The following KCTD5 variants were observed in gnomAD, a reference collection of about 807,000 sequenced individuals.
KCTD5 encodes potassium channel tetramerization domain containing 5.
In KCTD5, 12 loss-of-function variants were observed where a neutral mutation model predicts 27.9. That is an observed-to-expected ratio of 0.43 (90% CI 0.28 to 0.70). The LOEUF is 0.70. Among genes scored for constraint, KCTD5 ranks in the 30% least tolerant of loss-of-function variants. KCTD5 has a pLI of 0.19. For missense variants in KCTD5, 226 were observed against 274.8 expected (o/e 0.82, Z 1.26); for synonymous variants, 147 against 121.4 (o/e 1.21, Z -1.39).
intron 1 of KCTD5, among the ~76,000 whole-genome samples, chr16:2,688,106 G>T (rs1461115889): frequency 1.3e-5 from 2 of 151,756 alleles, no homozygotes; most frequent in Admixed American, 6.6e-5. Flanking sequence ...TCCTGAAGAT[G>T]ACAAATGTGA....
At chr16:2,705,627 C>G (rs2067632249) in intron 5 of KCTD5, among the ~76,000 whole-genome samples, 2 of 152,198 alleles carry the variant, frequency 1.3e-5, no homozygotes, top group Non-Finnish European at 2.9e-5. Flanking sequence ...GCTTAAGCCT[C>G]CCAGGCCAGC....
chr16:2,689,351 T>A (rs1468273259), intron 1 of KCTD5, among the ~76,000 whole-genome samples: 1 of 49,812 alleles, frequency 2.0e-5, no homozygotes, highest in South Asian at 7.3e-4. Flanking sequence ...AAATGGATAA[T>A]TTCAGAGTAA....
rs2067641737 is a variant in KCTD5 at position 2,707,432 on chromosome 16, A to G, written c.*105A>G. The G allele has an allele frequency of 8.5e-7, 1 of 1,180,968 alleles. No individual in the cohort carries two copies. Among genetic ancestry groups the G allele is most frequent in the Non-Finnish European group, 1.3e-6 (1 of 787,616 alleles). 73.2% of individuals were successfully genotyped at this position (1,180,968 alleles called of 1,614,324 possible). A position where few individuals can be genotyped will look rare whatever the true frequency, so the allele number is the denominator to read the frequency against. Reference sequence around the variant, plus strand: ...TGTGAGAAGAAACCTGCTTTTGATCATTTTTCTAGAGATCTGGGTGTGAAT... The same window carrying G: ...TGTGAGAAGAAACCTGCTTTTGATCGTTTTTCTAGAGATCTGGGTGTGAAT... On this transcript the variant is annotated 3_prime_UTR_variant, in exon 6 of 6. Coordinates refer to ENST00000301738, the MANE Select transcript of KCTD5 (RefSeq NM_018992.4).
rs2067566790 is a variant in KCTD5 at position 2,691,549 on chromosome 16, A to G, written c.253-4386A>G. 4.6e-5 allele frequency among the ~76,000 whole-genome samples: 7 copies of G among 152,148 alleles called. No homozygotes were observed. The South Asian group carries it at 1.5e-3, about 32-fold the overall frequency. On this transcript the variant is annotated intron_variant, in intron 1 of 5. Transcript: ENST00000301738. ...CAGGCCCGGCGCGCCGAGTCCACGC[A>G]GCCTGGGTAGGTCCTGCATGGGCCC...
chr16:2,690,348 G>A (rs1328142179), intron 1 of KCTD5, among the ~76,000 whole-genome samples: 1 of 152,210 alleles, frequency 6.6e-6, no homozygotes, highest in Admixed American at 6.5e-5. Context: ...CCCGGCCTAC[G>A]TCCTGTGGCT....
At chr16:2,707,123 C>G (rs138257430) in intron 5 of KCTD5, among the ~76,000 whole-genome samples, 175 bp from the exon 6 acceptor site, 3 of 152,034 alleles carry the variant, frequency 2.0e-5, no homozygotes. Flanking sequence ...CCAGACACCC[C>G]GGTGAAGGTC....
At chr16:2,706,568 G>T (rs539060155) in intron 5 of KCTD5, among the ~76,000 whole-genome samples, 20 of 152,220 alleles carry the variant, frequency 1.3e-4, no homozygotes, top group African/African-American at 4.8e-4. Context: ...CCTCAGGGGA[G>T]CCCAGGCCGA....
intron 1 of KCTD5, chr16:2,684,244 T>C (rs2067530350): frequency 6.6e-6 from 1 of 152,130 alleles, no homozygotes; most frequent in South Asian, 2.1e-4. Flanking sequence ...TTGGGTTCTT[T>C]GAGGCAATGG....
intron 1 of KCTD5, chr16:2,684,424 T>A (rs1274717391): frequency 1.3e-5 from 2 of 151,966 alleles, no homozygotes; most frequent in African/African-American, 4.8e-5. Flanking sequence ...GGCAGGTGGA[T>A]CTCGTTCAAA....
At chr16:2,699,099 C>T in intron 3 of KCTD5, 1 of 455,606 alleles carries the variant, frequency 2.2e-6, no homozygotes, top group Admixed American at 2.4e-5. Flanking sequence ...GAGTCACCAC[C>T]TTAAGGTCAG....
intron 5 of KCTD5, among the ~76,000 whole-genome samples, chr16:2,703,879 G>A (rs1266950975): frequency 6.6e-6 from 1 of 152,144 alleles, no homozygotes; most frequent in Non-Finnish European, 1.5e-5. Context: ...TCTAGGAGGC[G>A]ACCCCTGGCT....
At chr16:2,688,503 G>C (rs946343381) in intron 1 of KCTD5, among the ~76,000 whole-genome samples, 1 of 152,028 alleles carries the variant, frequency 6.6e-6, no homozygotes, top group South Asian at 2.1e-4. Context: ...CGCCCTCCTT[G>C]GCCTCCCAAA....
At chr16:2,705,246 A>G (rs1417119528) in intron 5 of KCTD5, among the ~76,000 whole-genome samples, 1 of 150,384 alleles carries the variant, frequency 6.6e-6, no homozygotes, top group African/African-American at 2.5e-5. Flanking sequence ...CTTGCCACAG[A>G]CCCTCCCTGT....
At chr16:2,687,033 C>T (rs1371228487) in intron 1 of KCTD5, among the ~76,000 whole-genome samples, 1 of 152,214 alleles carries the variant, frequency 6.6e-6, no homozygotes, top group Non-Finnish European at 1.5e-5. Context: ...GCTCTGACCA[C>T]AAGTCATCTT....
At chr16:2,692,091 G>T (rs1256572815) in intron 1 of KCTD5, among the ~76,000 whole-genome samples, 1 of 152,202 alleles carries the variant, frequency 6.6e-6, no homozygotes, top group Non-Finnish European at 1.5e-5. Context: ...CTCACTGCCA[G>T]CAGGATCTCT....
Position 2,683,275 on chromosome 16 carries a change from C to T in KCTD5, c.252+475C>T, listed in dbSNP as rs145511603. On this transcript the variant is annotated intron_variant, in intron 1 of 5. Transcript: ENST00000301738. ...TGACGTGGGGGTTGATATGGGCGGC[C>T]CTTTTTTTCCCTGGTGACTTGCATT... 2.3e-4 allele frequency: 35 copies of T among 153,728 alleles called. No individual in the cohort carries two copies. In the East Asian group the frequency reaches 6.3e-3, roughly 28 times the overall value. 9.5% of individuals were successfully genotyped at this position (153,728 alleles called of 1,614,324 possible).
At chr16:2,702,596 C>A in intron 5 of KCTD5, 118 bp downstream of exon 5, 1 of 1,359,128 alleles carries the variant, frequency 7.4e-7, no homozygotes, top group Non-Finnish European at 9.9e-7. Context: ...CCCCTGGTGG[C>A]CTTGCTGACT....
At chr16:2,703,437 G>A (rs1293341162) in intron 5 of KCTD5, among the ~76,000 whole-genome samples, 1 of 152,122 alleles carries the variant, frequency 6.6e-6, no homozygotes, top group Non-Finnish European at 1.5e-5. Flanking sequence ...TTGAGTGGGT[G>A]CCATGAGAGG....
chr16:2,705,873 C>T (rs1310343937), intron 5 of KCTD5, among the ~76,000 whole-genome samples: 1 of 152,192 alleles, frequency 6.6e-6, no homozygotes, highest in African/African-American at 2.4e-5. Flanking sequence ...CTGCAGGTCT[C>T]CAGGGTGTCT....
Sources: gnomAD v4.1 joint callset for allele counts (sites outside exome capture counted in the v4.1 genomes callset) on GRCh38, gnomAD v4.1.1 for gene constraint, MANE v1.5 for transcripts, NCBI Gene and HGNC (gene_info 2026-07-23, HGNC 2026-07-21) for gene names.